The following SMOC2 variants were observed in gnomAD, a reference collection of about 807,000 sequenced individuals.
SMOC2 encodes the protein SPARC related modular calcium binding 2.
SMOC2 carries 39 observed loss-of-function variants against 61.4 expected under a neutral mutation model. The observed-to-expected ratio is 0.64, with a 90% CI of 0.49 to 0.83. SMOC2 has a LOEUF of 0.83. Among genes scored for constraint, SMOC2 ranks in the 40% least tolerant of loss-of-function variants. The pLI is 0.00. For missense variants in SMOC2, 556 were observed against 592.9 expected (o/e 0.94, Z 0.65); for synonymous variants, 247 against 239.9 (o/e 1.03, Z -0.27).
At chr6:168,498,874 CCA>C (rs1782657755) in intron 1 of SMOC2, among the ~76,000 whole-genome samples, 1 of 121,992 alleles carries the variant, frequency 8.2e-6, no homozygotes. Context: ...GCCCTACGAG[CCA>C]CAGTCTCTGG....
At chr6:168,609,232 G>A (rs1785790687) in intron 9 of SMOC2, among the ~76,000 whole-genome samples, 2 of 152,232 alleles carry the variant, frequency 1.3e-5, no homozygotes, top group African/African-American at 4.8e-5. Context: ...TAAACACCGT[G>A]CAGCTCACTG....
chr6:168,622,260 C>T (rs1261024135), intron 9 of SMOC2, among the ~76,000 whole-genome samples: 1 of 152,144 alleles, frequency 6.6e-6, no homozygotes, highest in Non-Finnish European at 1.5e-5. Context: ...GCCACTGCGG[C>T]CAGCCTCTAG....
intron 7 of SMOC2, 48 bp downstream of exon 7, chr6:168,549,251 T>A: frequency 6.4e-7 from 1 of 1,562,650 alleles, no homozygotes; most frequent in Non-Finnish European, 8.8e-7. Flanking sequence ...TTAATAGATC[T>A]AGAAAATGAT....
At chr6:168,644,967 A>C (rs1786985818) in intron 9 of SMOC2, among the ~76,000 whole-genome samples, 1 of 152,178 alleles carries the variant, frequency 6.6e-6, no homozygotes, top group South Asian at 2.1e-4. Flanking sequence ...CCTACTTACA[A>C]GTAAAGATAA....
At chr6:168,588,512 C>A (rs565312664) in intron 7 of SMOC2, among the ~76,000 whole-genome samples, 2 of 152,144 alleles carry the variant, frequency 1.3e-5, no homozygotes, top group South Asian at 4.1e-4. Context: ...CAAGGCCCCA[C>A]CCCCAAATGC....
chr6:168,487,477 G>T (rs907269278), intron 1 of SMOC2, among the ~76,000 whole-genome samples: 3 of 152,174 alleles, frequency 2.0e-5, no homozygotes, highest in Admixed American at 6.5e-5. Context: ...ATGTAGGAAA[G>T]AATTAAATAT....
chr6:168,623,325 A>AATTTTT (rs1786291313), intron 9 of SMOC2, among the ~76,000 whole-genome samples: 1 of 82,052 alleles, frequency 1.2e-5, no homozygotes, highest in Admixed American at 1.3e-4. Flanking sequence ...GACATGGATA[A>AATTTTT]TTAATTTTTT....
Position 168,462,829 on chromosome 6 carries a change from G to T in SMOC2, c.84+21375G>T, listed in dbSNP as rs1466012904. Among the ~76,000 whole-genome samples the T allele has an allele frequency of 2.0e-5, 3 of 152,182 alleles. No homozygotes were observed. The East Asian group carries it at 5.8e-4, about 29-fold the overall frequency. On this transcript the variant is annotated intron_variant, in intron 1 of 12. Coordinates refer to ENST00000356284, the MANE Select transcript of SMOC2 (RefSeq NM_001166412.2). ...TTTGAGTTTGCTTTGCCAACTCTCT[G>T]TGTAGAGCTGTGTGATTTAGTGAGA...
At chr6:168,492,152 C>A (rs573909210) in intron 1 of SMOC2, among the ~76,000 whole-genome samples, 19 of 152,250 alleles carry the variant, frequency 1.2e-4, no homozygotes, top group African/African-American at 4.6e-4. Context: ...GAATATTTCT[C>A]TTGAAAGGAA....
chr6:168,521,794 G>A (rs889468312), intron 2 of SMOC2, among the ~76,000 whole-genome samples: 3 of 152,156 alleles, frequency 2.0e-5, no homozygotes, highest in Non-Finnish European at 4.4e-5. Flanking sequence ...AGGATTCCTT[G>A]AGCTCAGGAG....
intron 1 of SMOC2, among the ~76,000 whole-genome samples, chr6:168,472,144 C>A (rs1248480158): frequency 2.0e-5 from 3 of 152,138 alleles, no homozygotes; most frequent in Admixed American, 1.3e-4. Context: ...AAGATATTTT[C>A]CTCCATGTTT....
In SMOC2 at chr6:168,475,448, G is replaced by A. The variant is rs558459075; in HGVS notation, c.84+33994G>A. On this transcript the variant is annotated intron_variant, in intron 1 of 12. Transcript: ENST00000356284. The surrounding 1 kb of genome is among the most constrained non-coding windows in gnomAD (Gnocchi z 4.6). ...CTCAATCCCTCCCCCACCCCACCAGGTCGTGATCCCTGAGGGAAGCATGGT... is the reference window on the plus strand; with the variant it reads ...CTCAATCCCTCCCCCACCCCACCAGATCGTGATCCCTGAGGGAAGCATGGT... 1.9e-3 allele frequency among the ~76,000 whole-genome samples: 292 copies of A among 152,210 alleles called. 1 individual carries two copies. Among genetic ancestry groups the A allele is most frequent in the African/African-American group, 6.8e-3 (282 of 41,550 alleles).
At chr6:168,641,633 C>T (rs1277566779) in intron 9 of SMOC2, among the ~76,000 whole-genome samples, 1 of 152,168 alleles carries the variant, frequency 6.6e-6, no homozygotes, top group East Asian at 1.9e-4. Flanking sequence ...AAGTCAAAGG[C>T]AAAGAATTTC....
chr6:168,541,777 CA>C (rs1783882561), intron 4 of SMOC2, among the ~76,000 whole-genome samples: 1 of 152,180 alleles, frequency 6.6e-6, no homozygotes, highest in South Asian at 2.1e-4. Context: ...AGAACAAGAT[CA>C]GATTAACTTT....
In SMOC2 at chr6:168,591,245, A is replaced by T. The variant is rs140297184; in HGVS notation, c.638-7573A>T. On this transcript the variant is annotated intron_variant, in intron 7 of 12. Coordinates refer to ENST00000356284, the MANE Select transcript of SMOC2 (RefSeq NM_001166412.2). Reference sequence around the variant, plus strand: ...CGGGAGTGTGTTCAGGAAGGGGCACAGGCCTGCAGGCCAGGGATCTGAGCC... The same window carrying T: ...CGGGAGTGTGTTCAGGAAGGGGCACTGGCCTGCAGGCCAGGGATCTGAGCC... 3.9e-5 allele frequency among the ~76,000 whole-genome samples: 6 copies of T among 152,388 alleles called. No homozygotes were observed. The East Asian group carries it at 1.2e-3, about 29-fold the overall frequency.
At position 168,644,644 on chromosome 6, in the gene SMOC2, C is replaced by CTT. The variant is rs34203137; in HGVS notation, c.908-6015_908-6014dup. On this transcript the variant is annotated intron_variant, in intron 9 of 12. Transcript: ENST00000356284. The stretch of plus-strand genomic sequence containing the variant: ...ATGTTGGGTCAATGTGAATGCCTTT[C>CTT]TTTTTTTTTTTTTTTTTTTTTTTGA... Among the ~76,000 whole-genome samples, 784 of 99,406 alleles carry CTT rather than the reference C, an allele frequency of 7.9e-3. 4 individuals are homozygous for CTT. Among genetic ancestry groups the CTT allele is most frequent in the East Asian group, 0.015 (51 of 3,448 alleles). The allele number at this position is 99,406 out of a possible 152,430, so 65.2% of individuals were successfully genotyped here.
intron 1 of SMOC2, among the ~76,000 whole-genome samples, chr6:168,496,272 T>C (rs541558360): frequency 1.3e-5 from 2 of 152,102 alleles, no homozygotes; most frequent in African/African-American, 4.8e-5. Flanking sequence ...GGGTGGGGAG[T>C]GCTTGCCCTG....
In SMOC2 at chr6:168,652,997, G is replaced by T; in HGVS notation, c.1054G>T (p.Val352Leu). The T allele has an allele frequency of 1.9e-6, 3 of 1,614,016 alleles. No homozygotes were observed. The highest frequency in any genetic ancestry group is 2.5e-6 in the Non-Finnish European group (3 of 1,179,966). The change falls in exon 11 of 13, where the codon GTG (valine) becomes TTG (leucine). Residue 352 changes from valine (V) to leucine (L), a missense_variant. By Grantham distance (32) the Val-to-Leu change is conservative. Transcript: ENST00000356284. Reference protein sequence around the residue: ...DPSHTLEERVVHWYFKLLDKN... With the variant: ...DPSHTLEERVLHWYFKLLDKN... ...CAGCCATACCCTAGAGGAGCGGGTG[G>T]TGCACTGGTACTTCAAACTACTGGA... is the stretch of plus-strand genomic sequence containing the variant.
chr6:168,541,570 G>A (rs1169233092), intron 4 of SMOC2, among the ~76,000 whole-genome samples: 1 of 152,136 alleles, frequency 6.6e-6, no homozygotes, highest in East Asian at 1.9e-4. Flanking sequence ...TCCCATCCTG[G>A]AGGCCAGGAT....
Sources: gnomAD v4.1 joint callset for allele counts (sites outside exome capture counted in the v4.1 genomes callset) on GRCh38, gnomAD v4.1.1 for gene constraint, Gnocchi (gnomAD v3.1) non-coding constraint, MANE v1.5 for transcripts, NCBI Gene and HGNC (gene_info 2026-07-23, HGNC 2026-07-21) for gene names.